Variants in DDX60L observed in about 807,000 individuals in gnomAD.
DDX60L encodes the protein probable ATP-dependent RNA helicase DDX60-like.
Under a neutral mutation model 211.6 loss-of-function variants are expected in DDX60L, and 191 were observed. The ratio of observed to expected loss-of-function variants is 0.90; its 90% confidence interval spans 0.80 to 1.02. DDX60L has a LOEUF of 1.02. Among genes scored for constraint, DDX60L ranks in the 50% least tolerant of loss-of-function variants. The pLI is 0.00. For synonymous variants in DDX60L, 706 were observed against 694.1 expected, an observed-to-expected ratio of 1.02 and a Z score of -0.27; for missense variants, 2,007 against 1,984.1, an observed-to-expected ratio of 1.01 and a Z score of -0.22.
At chr4:168,451,154 C>A (rs1223622331) in intron 8 of DDX60L, among the ~76,000 whole-genome samples, 3 of 152,064 alleles carry the variant, frequency 2.0e-5, no homozygotes, top group Non-Finnish European at 4.4e-5. Flanking sequence ...TCTACCTGAC[C>A]ACTAAATTCT....
intron 17 of DDX60L, among the ~76,000 whole-genome samples, 197 bp downstream of exon 17, chr4:168,421,563 G>C (rs1412871001): frequency 5.9e-5 from 9 of 152,178 alleles, no homozygotes. Flanking sequence ...GCTGAGGCGG[G>C]AGAATCACTT....
Position 168,453,174 on chromosome 4 carries a change from G to T in DDX60L, c.946C>A (p.Arg316=), listed in dbSNP as rs545249227. 6.2e-7 allele frequency: 1 copy of T among 1,613,192 alleles called. No individual in the cohort carries two copies. The highest frequency in any genetic ancestry group is 1.1e-5 in the South Asian group (1 of 90,976). ...CTAATCCAAGAGCATGTGATGACTC[G>T]AGAACAAGCTCTCTGAGAAAGGGGT... ...HLPLSQRACS[R]VITCSWIRNS... Residue 316 remains arginine (R), a synonymous_variant, in exon 8 of 38, where the codon CGA becomes AGA. Transcript: ENST00000682922.
chr4:168,391,490 T>C, intron 29 of DDX60L, 50 bp downstream of exon 29: 1 of 1,207,716 alleles, frequency 8.3e-7, no homozygotes, highest in Non-Finnish European at 1.2e-6. Context: ...CATGGTTCAT[T>C]ATTTCAAACT....
chr4:168,443,792 G>A (rs371434127), intron 9 of DDX60L, among the ~76,000 whole-genome samples: 22 of 150,250 alleles, frequency 1.5e-4, no homozygotes, highest in South Asian at 8.6e-4. Context: ...TCATAAGTGA[G>A]GGAGAAATAA....
chr4:168,429,419 G>A (rs534616875), intron 13 of DDX60L, among the ~76,000 whole-genome samples: 28 of 152,204 alleles, frequency 1.8e-4, no homozygotes, highest in Admixed American at 1.8e-3. Context: ...CAAAGTGCTG[G>A]GATTACAGGT....
At chr4:168,472,995 A>C (rs1759010113) in intron 1 of DDX60L, among the ~76,000 whole-genome samples, 186 bp from the exon 2 acceptor site, 2 of 152,232 alleles carry the variant, frequency 1.3e-5, no homozygotes, top group Admixed American at 1.3e-4. Context: ...GGCTTCCCTA[A>C]GGAATTAATG....
chr4:168,441,471 T>A lies in DDX60L; in HGVS notation c.1160A>T (p.Asp387Val), dbSNP rs749759304. Residue 387 changes from aspartate to valine, a missense_variant, in exon 10 of 38, where the codon GAT becomes GTT. Transcript: ENST00000682922. ...STQEPHLNLG[D>V]SIRRDYEDLW... ...GTCTTCATAATCCCTCCTAATGGAA[T>A]CTCCCAAATTCAAATGTGGTTCTGC... 6.3e-7 allele frequency: 1 copy of A among 1,599,502 alleles called. No individual in the cohort carries two copies. Among genetic ancestry groups the A allele is most frequent in the South Asian group, 1.1e-5 (1 of 88,130 alleles).
intron 4 of DDX60L, among the ~76,000 whole-genome samples, chr4:168,465,037 T>C (rs2150115608): frequency 6.6e-6 from 1 of 152,230 alleles, no homozygotes; most frequent in East Asian, 1.9e-4. Flanking sequence ...CTGGTTCATA[T>C]AGTAATTCCT....
chr4:168,477,042 T>C (rs1759604775), intron 1 of DDX60L, among the ~76,000 whole-genome samples: 1 of 152,206 alleles, frequency 6.6e-6, no homozygotes, highest in African/African-American at 2.4e-5. Flanking sequence ...TAAATTTCTA[T>C]TGTGTAATGC....
At chr4:168,428,707 A>C (rs1751856134) in intron 13 of DDX60L, among the ~76,000 whole-genome samples, 1 of 152,202 alleles carries the variant, frequency 6.6e-6, no homozygotes. Flanking sequence ...CCATGAGGCT[A>C]AGAGAGAAGT....
chr4:168,385,139 G>C (rs369970892), intron 29 of DDX60L, among the ~76,000 whole-genome samples: 5 of 152,334 alleles, frequency 3.3e-5, no homozygotes, highest in Admixed American at 2.0e-4. Context: ...CTGGTCACCA[G>C]AAAGACCAAG....
At chr4:168,413,685 G>T (rs1455091106) in intron 22 of DDX60L, among the ~76,000 whole-genome samples, 5 of 151,688 alleles carry the variant, frequency 3.3e-5, no homozygotes, top group African/African-American at 1.2e-4. Context: ...ATAGTCAAAA[G>T]AGAAAAAAGA....
Position 168,466,986 on chromosome 4 carries a change from G to T in DDX60L, c.264+4761C>A, listed in dbSNP as rs925730331. 5.9e-5 allele frequency among the ~76,000 whole-genome samples: 9 copies of T among 152,254 alleles called. No homozygotes were observed. In the East Asian group the frequency reaches 1.7e-3, roughly 29 times the overall value. ...GTTAGAACACGTTTTGTTAGAATAC[G>T]TGTTGCTTTTGCAGTGTTCTTCTTT... On this transcript the variant is annotated intron_variant, in intron 4 of 37. Coordinates refer to ENST00000682922, the MANE Select transcript of DDX60L (RefSeq NM_001012967.3).
At position 168,406,030 on chromosome 4, in the gene DDX60L, T is replaced by A. The variant is rs1205479562; in HGVS notation, c.3133A>T (p.Lys1045Ter). 1 of 1,603,130 alleles carries A rather than the reference T, an allele frequency of 6.2e-7. No individual in the cohort carries two copies. Among genetic ancestry groups the A allele is most frequent in the Non-Finnish European group, 8.5e-7 (1 of 1,176,004 alleles). Residue 1045 changes from lysine to a stop codon, truncating the protein, a stop_gained, in exon 24 of 38, where the codon AAG (lysine) becomes TAG (stop). Coordinates refer to ENST00000682922, the MANE Select transcript of DDX60L (RefSeq NM_001012967.3). LOFTEE classifies it high-confidence loss of function. The part of the protein sequence containing the change: ...FILFKNKIVI[K>*]KLDARKYEEN... ...TCATATTTTCTAGCATCCAACTTCT[T>A]AATGACTATCTTATTCTTAAAAAGA...
In DDX60L at chr4:168,437,557, G is replaced by A. The variant is rs573433266; in HGVS notation, c.1294+3780C>T. ...CATTTAAGACTGAGTTCTGAGCCAC[G>A]ATGCAAAGGAAAGTCAGATAGGCCT... is the stretch of plus-strand genomic sequence containing the variant. On this transcript the variant is annotated intron_variant, in intron 10 of 37. Coordinates refer to ENST00000682922, the MANE Select transcript of DDX60L (RefSeq NM_001012967.3). Among the ~76,000 whole-genome samples, 30 of 152,256 alleles carry A rather than the reference G, an allele frequency of 2.0e-4. No homozygotes were observed. The South Asian group carries it at 2.5e-3, about 13-fold the overall frequency.
Position 168,395,962 on chromosome 4 carries a change from G to A in DDX60L, c.3654C>T (p.Asp1218=). 1 of 1,591,508 alleles carries A rather than the reference G, an allele frequency of 6.3e-7. No homozygotes were observed. The highest frequency in any genetic ancestry group is 8.6e-7 in the Non-Finnish European group (1 of 1,166,052). The change falls in exon 27 of 38, where the codon GAC becomes GAT. Residue 1218 remains aspartate (D), a synonymous_variant. Transcript: ENST00000682922. ...TATTAATAATTCTCTGACGTACTGA[G>A]TCTTTATTCCTGGTAATTTCAGTGT... ...ALHTEITRNK[D]STLERVLPRV... is the part of the protein sequence containing the mutation.
intron 36 of DDX60L, among the ~76,000 whole-genome samples, chr4:168,369,794 AAGGCCAAC>A (rs900645764): frequency 1.3e-5 from 2 of 152,188 alleles, no homozygotes; most frequent in African/African-American, 4.8e-5. Flanking sequence ...AAGTATACAA[AAGGCCAAC>A]AGGTATATGA....
At chr4:168,438,787 T>C (rs1203035035) in intron 10 of DDX60L, among the ~76,000 whole-genome samples, 1 of 152,226 alleles carries the variant, frequency 6.6e-6, no homozygotes, top group Non-Finnish European at 1.5e-5. Flanking sequence ...GAGAAGGCAG[T>C]CATAAATACC....
intron 14 of DDX60L, 95 bp from the exon 15 acceptor site, chr4:168,423,869 T>G (rs1751049599): frequency 1.4e-6 from 1 of 721,586 alleles, no homozygotes; most frequent in Non-Finnish European, 2.1e-6. Context: ...TAACCTCATG[T>G]GATTAAACCT....
Sources: gnomAD v4.1 joint callset for allele counts (sites outside exome capture counted in the v4.1 genomes callset) on GRCh38, gnomAD v4.1.1 for gene constraint, MANE v1.5 for transcripts, NCBI Gene and HGNC (gene_info 2026-07-23, HGNC 2026-07-21) for gene names.